The following ASTN2 variants were observed in gnomAD, a reference collection of about 807,000 sequenced individuals.
The protein encoded by ASTN2 is astrotactin-2.
Under a neutral mutation model 139.8 loss-of-function variants are expected in ASTN2, and 54 were observed. The ratio of observed to expected loss-of-function variants is 0.39; its 90% CI spans 0.31 to 0.48. The LOEUF is 0.48. Among genes scored for constraint, ASTN2 ranks in the 20% least tolerant of loss-of-function variants. ASTN2 has a pLI of 0.95. For synonymous variants in ASTN2, 756 were observed against 719.5 expected, an observed-to-expected ratio of 1.05 and a Z score of -0.81; for missense variants, 1,565 against 1,725.1, an observed-to-expected ratio of 0.91 and a Z score of 1.64.
intron 1 of ASTN2, among the ~76,000 whole-genome samples, chr9:117,412,002 A>ACC (rs1398639249): frequency 2.1e-4 from 3 of 14,496 alleles, no homozygotes; most frequent in African/African-American, 7.3e-4. Flanking sequence ...CCCCCACCTC[A>ACC]CCCCTCCCCC....
At chr9:117,369,179 A>G (rs932685019) in intron 1 of ASTN2, among the ~76,000 whole-genome samples, 4 of 151,998 alleles carry the variant, frequency 2.6e-5, no homozygotes, top group African/African-American at 9.7e-5. Context: ...TAATTATATT[A>G]TTTTCTTTTT....
intron 4 of ASTN2, among the ~76,000 whole-genome samples, chr9:117,109,789 T>A (rs1053224222): frequency 6.6e-6 from 1 of 152,194 alleles, no homozygotes; most frequent in Non-Finnish European, 1.5e-5. Context: ...TTCAAATTTG[T>A]CCACCATGCA....
chr9:116,646,598 T>C (rs1412987846), intron 17 of ASTN2, among the ~76,000 whole-genome samples: 2 of 152,192 alleles, frequency 1.3e-5, no homozygotes, highest in African/African-American at 2.4e-5. Flanking sequence ...TCATTCCCAC[T>C]GCAACCTGGC....
intron 22 of ASTN2, among the ~76,000 whole-genome samples, chr9:116,431,817 G>A (rs1847506547): frequency 6.6e-6 from 1 of 152,190 alleles, no homozygotes; most frequent in African/African-American, 2.4e-5. Context: ...AGGGTGACAG[G>A]AGGATAGGGC....
chr9:116,453,462 C>T (rs1420866259), intron 20 of ASTN2, among the ~76,000 whole-genome samples: 3 of 151,512 alleles, frequency 2.0e-5, no homozygotes, highest in East Asian at 1.9e-4. Context: ...GGCGTGGTGG[C>T]GGGTGCCTGT....
intron 1 of ASTN2, among the ~76,000 whole-genome samples, chr9:117,303,868 G>A (rs916528047): frequency 6.6e-5 from 10 of 152,202 alleles, no homozygotes; most frequent in Non-Finnish European, 1.5e-4. Context: ...AATGACGAAA[G>A]TGACACACTC....
intron 2 of ASTN2, among the ~76,000 whole-genome samples, chr9:117,237,236 T>C (rs1306413950): frequency 6.6e-6 from 1 of 152,014 alleles, no homozygotes; most frequent in Non-Finnish European, 1.5e-5. Context: ...ATAGTTTCTA[T>C]TATTATCTAT....
At chr9:117,141,282 G>A (rs771991430) in intron 4 of ASTN2, 44 bp downstream of exon 4, 4 of 1,358,760 alleles carry the variant, frequency 2.9e-6, no homozygotes, top group African/African-American at 3.0e-5. Context: ...GGAATCAGAG[G>A]ACAACCTTCT....
intron 1 of ASTN2, among the ~76,000 whole-genome samples, chr9:117,294,211 C>T (rs1389916738): frequency 1.3e-5 from 2 of 152,250 alleles, no homozygotes; most frequent in Non-Finnish European, 2.9e-5. Context: ...GCCAGTTGCA[C>T]TTACATCTCC....
chr9:117,283,626 A>T (rs991628920), intron 2 of ASTN2, among the ~76,000 whole-genome samples: 1 of 152,220 alleles, frequency 6.6e-6, no homozygotes, highest in Non-Finnish European at 1.5e-5. Flanking sequence ...CAGCAGAGAC[A>T]CATAACTATT....
At chr9:116,926,108 C>T (rs910589204) in intron 10 of ASTN2, among the ~76,000 whole-genome samples, 1 of 152,114 alleles carries the variant, frequency 6.6e-6, no homozygotes, top group Non-Finnish European at 1.5e-5. Flanking sequence ...CCTGGCCTCC[C>T]AGAAAGCTCT....
At chr9:116,908,477 C>T (rs954099048) in intron 10 of ASTN2, among the ~76,000 whole-genome samples, 4 of 152,198 alleles carry the variant, frequency 2.6e-5, no homozygotes, top group South Asian at 4.1e-4. Context: ...CAACCTCTTC[C>T]TCACCATAAA....
At chr9:116,721,644 A>C (rs568025541) in intron 16 of ASTN2, among the ~76,000 whole-genome samples, 2 of 152,184 alleles carry the variant, frequency 1.3e-5, no homozygotes, top group Non-Finnish European at 2.9e-5. Context: ...TAGAGCTTCC[A>C]GGGATGACTT....
chr9:117,340,018 AC>A (rs1829015695), intron 1 of ASTN2, among the ~76,000 whole-genome samples: 1 of 151,892 alleles, frequency 6.6e-6, no homozygotes, highest in Non-Finnish European at 1.5e-5. Flanking sequence ...GGCCTTAGTT[AC>A]CTGGACAGGG....
At chr9:117,089,821 C>T (rs1828660606) in intron 5 of ASTN2, among the ~76,000 whole-genome samples, 1 of 152,160 alleles carries the variant, frequency 6.6e-6, no homozygotes, top group African/African-American at 2.4e-5. Flanking sequence ...AAATAATAGT[C>T]TCCAATCTCA....
intron 11 of ASTN2, among the ~76,000 whole-genome samples, chr9:116,839,887 T>TTA (rs1832153739): frequency 4.4e-5 from 4 of 91,452 alleles, no homozygotes; most frequent in African/African-American, 2.2e-4. Context: ...TATTATTTTT[T>TTA]TTTTTTTAAT....
intron 10 of ASTN2, among the ~76,000 whole-genome samples, chr9:116,905,190 T>C (rs981375376): frequency 6.6e-6 from 1 of 152,118 alleles, no homozygotes; most frequent in Non-Finnish European, 1.5e-5. Context: ...CAGATTTTCC[T>C]GTACAGAAGA....
chr9:116,473,821 G>A (rs1051150794), intron 20 of ASTN2, among the ~76,000 whole-genome samples: 1 of 151,880 alleles, frequency 6.6e-6, no homozygotes, highest in African/African-American at 2.4e-5. Flanking sequence ...AGAATCGCTT[G>A]AACCCAGGAA....
chr9:117,173,648 A>T (rs911698313), intron 3 of ASTN2, among the ~76,000 whole-genome samples: 1 of 152,034 alleles, frequency 6.6e-6, no homozygotes, highest in African/African-American at 2.4e-5. Flanking sequence ...ACAAAATAAT[A>T]AAAAAATAGA....
Sources: gnomAD v4.1 joint callset for allele counts (sites outside exome capture counted in the v4.1 genomes callset) on GRCh38, gnomAD v4.1.1 for gene constraint, MANE v1.5 for transcripts, NCBI Gene and HGNC (gene_info 2026-07-23, HGNC 2026-07-21) for gene names.